Variants in PCDH19 observed in about 807,000 individuals in gnomAD.
PCDH19 encodes the protein protocadherin-19.
PCDH19 carries 6 observed loss-of-function variants against 46.2 expected under a neutral mutation model. The ratio of observed to expected loss-of-function variants is 0.13; its 90% CI spans 0.07 to 0.26. The LOEUF is 0.26. PCDH19 is among the 10% of genes least tolerant of loss of function. The pLI, the probability that PCDH19 is intolerant of heterozygous loss-of-function variation, is 1.00. For missense variants in PCDH19, 740 were observed against 972.3 expected (o/e 0.76, Z 3.18); for synonymous variants, 481 against 415.7 (o/e 1.16, Z -1.91).
rs1200873361 is a variant in PCDH19 at position 100,343,573 on chromosome X, C to T, written c.2676-1498G>A. Reference sequence around the variant, plus strand: ...ATTTCTCATGAAATGGAGAATAATGCATAAGGTACAGCTATAGGGCACCCA... The same window carrying T: ...ATTTCTCATGAAATGGAGAATAATGTATAAGGTACAGCTATAGGGCACCCA... On this transcript the variant is annotated intron_variant, in intron 4 of 5. Coordinates refer to ENST00000373034, the MANE Select transcript of PCDH19 (RefSeq NM_001184880.2). Among the ~76,000 whole-genome samples the T allele has an allele frequency of 1.8e-4, 20 of 111,991 alleles. No homozygotes were observed. In the Admixed American group the frequency reaches 1.9e-3, roughly 11 times the overall value.
chrX:100,343,303 C>G (rs1386265080), intron 4 of PCDH19, among the ~76,000 whole-genome samples: 1 of 111,640 alleles, frequency 9.0e-6, no homozygotes, highest in South Asian at 3.8e-4. Flanking sequence ...TACAATAAAA[C>G]TCTTTCTACA....
Position 100,402,586 on chromosome X carries a change from A to C in PCDH19, c.2554T>G (p.Ser852Ala). 8.3e-7 allele frequency: 1 copy of C among 1,211,417 alleles called. No individual in the cohort carries two copies. Among genetic ancestry groups the C allele is most frequent in the Non-Finnish European group, 1.1e-6 (1 of 895,373 alleles). ...NTSANHIYHH[S>A]FNSQGPQQPD... The stretch of plus-strand genomic sequence containing the variant: ...TGCTGGGGCCCCTGGCTGTTGAAAG[A>C]GTGATGGTAGATGTGGTTAGCACTG... Residue 852 changes from serine to alanine, a missense_variant, in exon 3 of 6, where the codon TCT (serine) becomes GCT (alanine). By Grantham distance (99) the Ser-to-Ala change is moderately conservative. This residue lies in a region of PCDH19 where 416 missense variants were observed against 476.8 expected (regional missense o/e 0.87). Coordinates refer to ENST00000373034, the MANE Select transcript of PCDH19 (RefSeq NM_001184880.2).
chrX:100,355,811 T>C lies in PCDH19; in HGVS notation c.2617-5107A>G, dbSNP rs75796493. Among the ~76,000 whole-genome samples, 319 of 111,508 alleles carry C rather than the reference T, an allele frequency of 2.9e-3. 6 individuals are homozygous for C. The East Asian group carries it at 0.08, about 28-fold the overall frequency. On this transcript the variant is annotated intron_variant, in intron 3 of 5. Transcript: ENST00000373034. ...ATATGTTATTACATTTCTACGTTAG[T>C]AAGTCTGGCATATCAGAAGTCAAAT...
intron 5 of PCDH19, among the ~76,000 whole-genome samples, chrX:100,321,781 CTTTTTTT>C (rs1231191259): frequency 2.3e-5 from 1 of 43,596 alleles, no homozygotes; most frequent in African/African-American, 9.1e-5. Flanking sequence ...CCCACCTATT[CTTTTTTT>C]TTTTTTTTTT....
Position 100,294,300 on chromosome X carries a change from G to A in PCDH19, c.*1977C>T, listed in dbSNP as rs746522972. The A allele has an allele frequency of 9.0e-6, 1 of 111,641 alleles. No individual in the cohort carries two copies. The highest frequency in any genetic ancestry group is 1.9e-5 in the Non-Finnish European group (1 of 53,034). The allele number at this position is 111,641 out of a possible 1,213,427, so 9.2% of individuals were successfully genotyped here. On this transcript the variant is annotated 3_prime_UTR_variant, in exon 6 of 6. Transcript: ENST00000373034. ...ATCCTTAATTGTGTCAGCTTCAGAGGGAAATTTGCAGCCACACCAATATTT... is the reference window on the plus strand; with the variant it reads ...ATCCTTAATTGTGTCAGCTTCAGAGAGAAATTTGCAGCCACACCAATATTT...
At position 100,409,837 on chromosome X, in the gene PCDH19, G is replaced by C; in HGVS notation, c.-1240C>G. ...TGTCGCCGCCGAAGTTTACTTGCAG[G>C]AGCGTCTTGATTTCATCTTCCCGGA... On this transcript the variant is annotated 5_prime_UTR_variant, in exon 1 of 6. Transcript: ENST00000373034. 3 of 281,052 alleles carry C rather than the reference G, an allele frequency of 1.1e-5. No individual in the cohort carries two copies. Among genetic ancestry groups the C allele is most frequent in the Non-Finnish European group, 1.2e-5 (2 of 161,670 alleles). 23.2% of individuals were successfully genotyped at this position (281,052 alleles called of 1,213,427 possible).
rs1924627666 is a variant in PCDH19, at chrX:100,296,758, TTCC to T, written c.2963_2965del (p.Arg988del). The stretch of plus-strand genomic sequence containing the variant: ...AGCTTCAATAGACAGCGCGATGATG[TTCC>T]TCACATGCTCAGGGGACTTGGAACG... On this transcript the variant is annotated inframe_deletion, in exon 6 of 6. Coordinates refer to ENST00000373034, the MANE Select transcript of PCDH19 (RefSeq NM_001184880.2). 8.3e-7 allele frequency: 1 copy of T among 1,209,406 alleles called. No individual in the cohort carries two copies.
chrX:100,317,943 T>C (rs925813598), intron 5 of PCDH19, among the ~76,000 whole-genome samples: 1 of 112,312 alleles, frequency 8.9e-6, no homozygotes, highest in Non-Finnish European at 1.9e-5. Flanking sequence ...AGGCAAACCT[T>C]TCTGCTGTAG....
At chrX:100,398,395 T>C (rs772684652) in intron 3 of PCDH19, among the ~76,000 whole-genome samples, 9 of 112,559 alleles carry the variant, frequency 8.0e-5, no homozygotes, top group Non-Finnish European at 1.5e-4. Flanking sequence ...TGTTAGCTTC[T>C]AGAGCCAACA....
chrX:100,375,939 A>C (rs757214945), intron 3 of PCDH19, among the ~76,000 whole-genome samples: 1 of 112,067 alleles, frequency 8.9e-6, no homozygotes, highest in East Asian at 2.8e-4. Flanking sequence ...CAATTAGGTT[A>C]GAAAATACAG....
At chrX:100,301,076 C>T (rs895121145) in intron 5 of PCDH19, among the ~76,000 whole-genome samples, 1 of 111,607 alleles carries the variant, frequency 9.0e-6, no homozygotes, top group Non-Finnish European at 1.9e-5. Flanking sequence ...CTTTATGCAG[C>T]AATTACTACT....
intron 5 of PCDH19, among the ~76,000 whole-genome samples, chrX:100,299,786 A>G (rs184010147): frequency 8.9e-6 from 1 of 112,325 alleles, no homozygotes; most frequent in African/African-American, 3.2e-5. Context: ...CCTCAGCTCC[A>G]TATGAGCTGG....
intron 5 of PCDH19, among the ~76,000 whole-genome samples, chrX:100,308,108 A>C (rs1925007883): frequency 9.0e-6 from 1 of 111,564 alleles, no homozygotes; most frequent in Non-Finnish European, 1.9e-5. Context: ...CAAAAGAACA[A>C]ATCTGGAAAC....
In PCDH19 at chrX:100,408,059, G is replaced by C. The variant is rs796052803; in HGVS notation, c.539C>G (p.Thr180Arg). The change falls in exon 1 of 6, where the codon ACG (threonine) becomes AGG (arginine). Residue 180 changes from threonine to arginine, a missense_variant. Coordinates refer to ENST00000373034, the MANE Select transcript of PCDH19 (RefSeq NM_001184880.2). ...GGCAAAGCGGGAGCCGTCGCCGCGC[G>C]TCTTGATCTCCAGGCCGAACAGCTC... ...PNELFGLEIK[T>R]RGDGSRFAEL... The C allele has an allele frequency of 4.1e-6, 5 of 1,208,402 alleles. No individual in the cohort carries two copies. The Admixed American group carries it at 6.5e-5, about 16-fold the overall frequency.
chrX:100,337,754 T>G (rs1316892279), intron 5 of PCDH19, among the ~76,000 whole-genome samples: 1 of 111,679 alleles, frequency 9.0e-6, no homozygotes, highest in Non-Finnish European at 1.9e-5. Context: ...CTATAGCTTA[T>G]AACAATGCAT....
chrX:100,322,078 C>T (rs954170563), intron 5 of PCDH19, among the ~76,000 whole-genome samples: 7 of 110,548 alleles, frequency 6.3e-5, no homozygotes, highest in Non-Finnish European at 1.1e-4. Context: ...TGTGAGCCAC[C>T]GCGCCTGGCC....
chrX:100,409,249 T>A lies in PCDH19; in HGVS notation c.-652A>T, dbSNP rs1037471943. On this transcript the variant is annotated 5_prime_UTR_variant, in exon 1 of 6. Transcript: ENST00000373034. ...AGAAAGGGGGTGTCGCAGACGGGAG[T>A]CAGTTACTGGCAAGCGCCGCGGGCA... The A allele has an allele frequency of 9.0e-6, 1 of 110,601 alleles. No homozygotes were observed. The highest frequency in any genetic ancestry group is 3.3e-5 in the African/African-American group (1 of 30,233). The allele number at this position is 110,601 out of a possible 1,213,427, so 9.1% of individuals were successfully genotyped here.
At chrX:100,331,279 G>A (rs1412336580) in intron 5 of PCDH19, among the ~76,000 whole-genome samples, 1 of 111,729 alleles carries the variant, frequency 9.0e-6, no homozygotes, top group Non-Finnish European at 1.9e-5. Context: ...TCTCTTCATC[G>A]CAAACTATGA....
At chrX:100,375,242 AC>A (rs746485698) in intron 3 of PCDH19, among the ~76,000 whole-genome samples, 1 of 110,776 alleles carries the variant, frequency 9.0e-6, no homozygotes, top group African/African-American at 3.3e-5. Context: ...CATTAGATAT[AC>A]CCCCTCCCTC....
Sources: allele counts gnomAD v4.1 joint callset (sites outside exome capture counted in the v4.1 genomes callset), GRCh38; gene constraint gnomAD v4.1.1; regional missense constraint gnomAD v4.1.1; transcripts MANE v1.5; gene names NCBI Gene and HGNC (gene_info 2026-07-23, HGNC 2026-07-21).